Variants in MPHOSPH8 observed in about 807,000 individuals in gnomAD.
MPHOSPH8 encodes the protein M-phase phosphoprotein 8.
A neutral mutation model predicts 87.3 loss-of-function variants in MPHOSPH8; 45 were observed. The observed-to-expected ratio is 0.52, with a 90% confidence interval of 0.41 to 0.66. MPHOSPH8 has a LOEUF of 0.66. MPHOSPH8 is among the 30% of genes least tolerant of loss of function. The pLI is 0.00. For synonymous variants in MPHOSPH8, 366 were observed against 376.9 expected, an observed-to-expected ratio of 0.97 and a Z score of 0.33; for missense variants, 883 against 1,020.2, an observed-to-expected ratio of 0.87 and a Z score of 1.83.
chr13:19,648,679 T>A (rs78633857), intron 4 of MPHOSPH8, among the ~76,000 whole-genome samples, 158 bp downstream of exon 4: 2,320 of 152,124 alleles, frequency 0.015, 22 homozygotes, highest in Non-Finnish European at 0.025. Flanking sequence ...TTAGAATTAC[T>A]GAGACTGGAA....
At chr13:19,671,573 T>C (rs1273683426) in intron 13 of MPHOSPH8, among the ~76,000 whole-genome samples, 1 of 152,210 alleles carries the variant, frequency 6.6e-6, no homozygotes, top group African/African-American at 2.4e-5. Flanking sequence ...CAAATGTATG[T>C]CTTTAGGCCG....
Position 19,666,547 on chromosome 13 carries a change from T to C in MPHOSPH8, c.2142T>C (p.Leu714=). The C allele has an allele frequency of 1.9e-6, 3 of 1,592,194 alleles. No homozygotes were observed. The highest frequency in any genetic ancestry group is 3.3e-5 in the Admixed American group (2 of 59,702). The stretch of plus-strand genomic sequence containing the variant: ...TTGCGAAGCAGTCTAACAATGTGCT[T>C]GTGTACGACTTGCTGAAGAACCATT... ...LHFAKQSNNV[L]VYDLLKNHLE... is the part of the protein sequence containing the mutation. The change falls in exon 10 of 14, where the codon CTT becomes CTC. Residue 714 remains leucine, a synonymous_variant. Coordinates refer to ENST00000361479, the MANE Select transcript of MPHOSPH8 (RefSeq NM_017520.4).
chr13:19,654,656 A>G (rs1322670089), intron 5 of MPHOSPH8, among the ~76,000 whole-genome samples: 7 of 152,174 alleles, frequency 4.6e-5, no homozygotes, highest in Admixed American at 4.6e-4. Context: ...CAAAAACTAT[A>G]TATAAGAAAA....
intron 1 of MPHOSPH8, among the ~76,000 whole-genome samples, chr13:19,636,090 T>C (rs1373840026): frequency 6.6e-6 from 1 of 152,172 alleles, no homozygotes; most frequent in Non-Finnish European, 1.5e-5. Flanking sequence ...CCTCTTTCCT[T>C]TATAAATTAC....
chr13:19,649,135 A>G (rs542401027), intron 4 of MPHOSPH8, among the ~76,000 whole-genome samples: 2 of 152,330 alleles, frequency 1.3e-5, no homozygotes, highest in East Asian at 3.9e-4. Flanking sequence ...TGGCAGGAGC[A>G]GTGGCTGTTT....
chr13:19,660,993 C>T (rs1875494646), intron 7 of MPHOSPH8: 3 of 978,088 alleles, frequency 3.1e-6, no homozygotes, highest in Admixed American at 6.2e-5. Flanking sequence ...GGCGTGGTGG[C>T]ATGCACCTGT....
chr13:19,633,721 T>C lies in MPHOSPH8; in HGVS notation c.-28T>C. ...GCTGGGGTGTTTGTCGCAGCGGGTTTTCCTCGGCGGTTTGCGGAGCTGCTA... is the reference window on the plus strand; with the variant it reads ...GCTGGGGTGTTTGTCGCAGCGGGTTCTCCTCGGCGGTTTGCGGAGCTGCTA... On this transcript the variant is annotated 5_prime_UTR_variant, in exon 1 of 14. Coordinates refer to ENST00000361479, the MANE Select transcript of MPHOSPH8 (RefSeq NM_017520.4). 6.4e-7 allele frequency: 1 copy of C among 1,565,654 alleles called. No homozygotes were observed. Among genetic ancestry groups the C allele is most frequent in the Non-Finnish European group, 8.7e-7 (1 of 1,155,206 alleles).
In MPHOSPH8 at chr13:19,672,926, C is replaced by T. The variant is rs1211352362; in HGVS notation, c.*1051C>T. The T allele has an allele frequency of 3.5e-5, 13 of 368,656 alleles. No individual in the cohort carries two copies. Among genetic ancestry groups the T allele is most frequent in the Non-Finnish European group, 5.7e-5 (11 of 191,494 alleles). The allele number at this position is 368,656 out of a possible 1,614,324, so 22.8% of individuals were successfully genotyped here. A position where few individuals can be genotyped will look rare whatever the true frequency, so the allele number is the denominator to read the frequency against. ...CCAGCCTGGGTAACATGGGGTGGAA[C>T]AAGCCTGTAGTCCCAGATACTCAGG... On this transcript the variant is annotated 3_prime_UTR_variant, in exon 14 of 14. Coordinates refer to ENST00000361479, the MANE Select transcript of MPHOSPH8 (RefSeq NM_017520.4).
At chr13:19,666,335 A>T in intron 9 of MPHOSPH8, 90 bp from the exon 10 acceptor site, 1 of 1,353,828 alleles carries the variant, frequency 7.4e-7, no homozygotes, top group Non-Finnish European at 1.0e-6. Context: ...CCCTCTCTTC[A>T]CAGAACCGCT....
intron 8 of MPHOSPH8, 95 bp from the exon 9 acceptor site, chr13:19,662,944 TG>T: frequency 1.9e-6 from 2 of 1,032,928 alleles, no homozygotes; most frequent in South Asian, 1.4e-5. Flanking sequence ...TAGAACCTGC[TG>T]GGTATTTTTC....
Position 19,668,325 on chromosome 13 carries a change from C to T in MPHOSPH8, c.2175-52C>T, listed in dbSNP as rs1256976426. The T allele has an allele frequency of 2.6e-6, 4 of 1,546,742 alleles. No homozygotes were observed. The African/African-American group carries it at 4.1e-5, about 16-fold the overall frequency. On this transcript the variant is annotated intron_variant, in intron 10 of 13. Coordinates refer to ENST00000361479, the MANE Select transcript of MPHOSPH8 (RefSeq NM_017520.4). Reference sequence around the variant, plus strand: ...GAAGCCCTCACTGGTATTCGACAGGCTTGTGGTTCTTTTCTACATTAACGT... The same window carrying T: ...GAAGCCCTCACTGGTATTCGACAGGTTTGTGGTTCTTTTCTACATTAACGT...
intron 1 of MPHOSPH8, among the ~76,000 whole-genome samples, chr13:19,635,522 C>T (rs1291257600): frequency 6.6e-6 from 1 of 151,812 alleles, no homozygotes; most frequent in Non-Finnish European, 1.5e-5. Flanking sequence ...AGGGAGACTC[C>T]GTCTCAAAAA....
At chr13:19,662,122 G>A (rs1875571683) in intron 8 of MPHOSPH8, among the ~76,000 whole-genome samples, 2 of 151,904 alleles carry the variant, frequency 1.3e-5, no homozygotes, top group South Asian at 4.2e-4. Context: ...TGTATTTTTA[G>A]TAGAGATGGG....
At chr13:19,653,765 C>T (rs928624030) in intron 5 of MPHOSPH8, among the ~76,000 whole-genome samples, 5 of 152,090 alleles carry the variant, frequency 3.3e-5, no homozygotes, top group African/African-American at 1.2e-4. Flanking sequence ...GAAGCATACA[C>T]AAGTATCAAT....
chr13:19,634,024 G>C, intron 1 of MPHOSPH8, 63 bp downstream of exon 1: 4 of 1,538,000 alleles, frequency 2.6e-6, no homozygotes, highest in African/African-American at 2.7e-5. Context: ...GGGAGGACGC[G>C]AGCTGGAAAC....
intron 5 of MPHOSPH8, among the ~76,000 whole-genome samples, chr13:19,655,004 TC>T (rs1335936510): frequency 2.0e-5 from 3 of 150,280 alleles, no homozygotes; most frequent in Admixed American, 6.6e-5. Flanking sequence ...ACACGCAAAA[TC>T]CCCCACAAAA....
chr13:19,639,185 G>A (rs1053986893), intron 1 of MPHOSPH8, among the ~76,000 whole-genome samples: 1 of 152,104 alleles, frequency 6.6e-6, no homozygotes, highest in Non-Finnish European at 1.5e-5. Context: ...TGTTTGGATG[G>A]CTATTTTGGC....
intron 5 of MPHOSPH8, among the ~76,000 whole-genome samples, chr13:19,651,928 T>C (rs1004873135): frequency 2.7e-5 from 4 of 150,454 alleles, no homozygotes; most frequent in African/African-American, 9.9e-5. Context: ...TGAAACCCTG[T>C]CTCTACTAAA....
At position 19,668,426 on chromosome 13, in the gene MPHOSPH8, C is replaced by T. The variant is rs1875937658; in HGVS notation, c.2224C>T (p.Leu742Phe). The stretch of plus-strand genomic sequence containing the variant: ...AATAAAGGATTACTTTGAAGCTCGC[C>T]TTGCTCTGCTAGAACCAGTTTTTCC... ...ETIKDYFEAR[L>F]ALLEPVFPIA... Residue 742 changes from leucine (L) to phenylalanine (F), a missense_variant, in exon 11 of 14, where the codon CTT (leucine) becomes TTT (phenylalanine). Physicochemically the swap from Leu to Phe is conservative, Grantham distance 22. Coordinates refer to ENST00000361479, the MANE Select transcript of MPHOSPH8 (RefSeq NM_017520.4). 3 of 1,614,124 alleles carry T rather than the reference C, an allele frequency of 1.9e-6. No homozygotes were observed. Among genetic ancestry groups the T allele is most frequent in the Non-Finnish European group, 2.5e-6 (3 of 1,179,976 alleles).
Sources: gnomAD v4.1 joint callset for allele counts (sites outside exome capture counted in the v4.1 genomes callset) on GRCh38, gnomAD v4.1.1 for gene constraint, MANE v1.5 for transcripts, NCBI Gene and HGNC (gene_info 2026-07-23, HGNC 2026-07-21) for gene names.